Variants in MME observed in about 807,000 individuals in gnomAD.
The protein encoded by MME is membrane metalloendopeptidase.
In MME, 98 loss-of-function variants were observed where a neutral mutation model predicts 113.2. That is an observed-to-expected ratio of 0.87 (90% confidence interval 0.74 to 1.02). The LOEUF is 1.02. Ranked by LOEUF, MME falls within the 50% of genes least tolerant of loss-of-function variation. MME has a pLI of 0.00. For missense variants in MME, 836 were observed against 896.0 expected, an observed-to-expected ratio of 0.93 and a Z score of 0.86; for synonymous variants, 292 against 300.6, an observed-to-expected ratio of 0.97 and a Z score of 0.30.
intron 10 of MME, among the ~76,000 whole-genome samples, 198 bp from the exon 11 acceptor site, chr3:155,141,793 C>T (rs1721110465): frequency 6.6e-6 from 1 of 152,080 alleles, no homozygotes. Flanking sequence ...TTTGTTTTCG[C>T]TCTTAAATGG....
intron 1 of MME, among the ~76,000 whole-genome samples, chr3:155,060,392 G>T (rs537536791): frequency 6.6e-6 from 1 of 152,116 alleles, no homozygotes; most frequent in African/African-American, 2.4e-5. Context: ...AAATATATTG[G>T]TTTTTCTGGT....
intron 1 of MME, among the ~76,000 whole-genome samples, chr3:155,029,211 G>T (rs544732745): frequency 4.4e-4 from 67 of 152,050 alleles, no homozygotes; most frequent in African/African-American, 1.5e-3. Flanking sequence ...TTTTACTTTT[G>T]TATTAGTGTA....
At chr3:155,177,908 T>G (rs1712711644) in intron 22 of MME, among the ~76,000 whole-genome samples, 1 of 152,046 alleles carries the variant, frequency 6.6e-6, no homozygotes, top group Admixed American at 6.6e-5. Context: ...ACTGCTGAGA[T>G]CCCTACAGTC....
chr3:155,122,303 T>C (rs1486896412), intron 8 of MME, among the ~76,000 whole-genome samples: 1 of 151,360 alleles, frequency 6.6e-6, no homozygotes, highest in Non-Finnish European at 1.5e-5. Context: ...TTGATTCTTC[T>C]CTCTTTTTTT....
intron 1 of MME, among the ~76,000 whole-genome samples, chr3:155,067,926 A>G (rs1359108915): frequency 6.6e-6 from 1 of 152,210 alleles, no homozygotes; most frequent in Non-Finnish European, 1.5e-5. Context: ...GCACTCCTAG[A>G]TATTTACCTA....
Position 155,138,174 on chromosome 3 carries a change from G to A in MME, c.793G>A (p.Asp265Asn), listed in dbSNP as rs767535205. The change falls in exon 9 of 23, where the codon GAT (aspartate) becomes AAT (asparagine). Residue 265 changes from aspartate (D) to asparagine (N), a missense_variant. Asp to Asn is a conservative substitution (Grantham distance 23, BLOSUM62 1). Transcript: ENST00000360490. ...TCGTCAGGAAGAAAGATTGCCCATC[G>A]ATGAAAACCAGCTTGCTTTGGAAAT... ...LIRQEERLPI[D>N]ENQLALEMNK... 5.3e-5 allele frequency: 85 copies of A among 1,613,490 alleles called. No individual in the cohort carries two copies. The highest frequency in any genetic ancestry group is 4.3e-4 in the Admixed American group (26 of 59,974).
chr3:155,177,043 C>T (rs932952725), intron 22 of MME, among the ~76,000 whole-genome samples: 1 of 151,962 alleles, frequency 6.6e-6, no homozygotes, highest in Non-Finnish European at 1.5e-5. Flanking sequence ...TATCTGAAGA[C>T]GTTTCTTTCT....
intron 15 of MME, 54 bp downstream of exon 15, chr3:155,147,278 T>C: frequency 8.7e-7 from 1 of 1,149,970 alleles, no homozygotes; most frequent in Non-Finnish European, 1.3e-6. Flanking sequence ...CTGGTAGTAG[T>C]GTCATTTTTA....
chr3:155,152,300 C>G (rs1169605544), intron 16 of MME, among the ~76,000 whole-genome samples: 1 of 152,148 alleles, frequency 6.6e-6, no homozygotes, highest in Admixed American at 6.5e-5. Context: ...CACAGCACCC[C>G]ATTGCATATT....
intron 3 of MME, among the ~76,000 whole-genome samples, chr3:155,102,015 G>T (rs1026795646): frequency 3.3e-5 from 5 of 152,200 alleles, no homozygotes; most frequent in South Asian, 2.1e-4. Flanking sequence ...TTAGGAGGGG[G>T]GAATTGGTCT....
intron 1 of MME, among the ~76,000 whole-genome samples, chr3:155,026,481 T>A (rs1344362762): frequency 6.6e-6 from 1 of 152,182 alleles, no homozygotes; most frequent in Non-Finnish European, 1.5e-5. Context: ...CCCAGCACTT[T>A]GGGAGGCCGA....
chr3:155,078,307 C>T (rs1353987155), upstream of MME, among the ~76,000 whole-genome samples: 4 of 152,086 alleles, frequency 2.6e-5, no homozygotes, highest in Non-Finnish European at 5.9e-5. Flanking sequence ...ACCAATATTT[C>T]GGGATTGTTG....
At chr3:155,141,406 A>C (rs1481952792) in intron 10 of MME, among the ~76,000 whole-genome samples, 1 of 152,190 alleles carries the variant, frequency 6.6e-6, no homozygotes, top group Non-Finnish European at 1.5e-5. Flanking sequence ...CCATTTAGAA[A>C]GACAAGATTT....
At chr3:155,115,915 G>A (rs575854988) in intron 4 of MME, among the ~76,000 whole-genome samples, 1 of 152,274 alleles carries the variant, frequency 6.6e-6, no homozygotes, top group African/African-American at 2.4e-5. Flanking sequence ...AAGAAATCTA[G>A]CCAAGTCCCT....
chr3:155,148,450 T>A, intron 15 of MME, 100 bp from the exon 16 acceptor site: 1 of 788,384 alleles, frequency 1.3e-6, no homozygotes, highest in Non-Finnish European at 2.1e-6. Context: ...CTCTTTTAAC[T>A]TTATTGACTG....
At position 155,116,883 on chromosome 3, in the gene MME, C is replaced by T. The variant is rs1373337273; in HGVS notation, c.551C>T (p.Ala184Val). 5 of 1,609,950 alleles carry T rather than the reference C, an allele frequency of 3.1e-6. No individual in the cohort carries two copies. Among genetic ancestry groups the T allele is most frequent in the Non-Finnish European group, 4.2e-6 (5 of 1,176,778 alleles). Reference protein sequence around the residue: ...WEQKYGASWTAEKAIAQLNSK... With the variant: ...WEQKYGASWTVEKAIAQLNSK... The stretch of plus-strand genomic sequence containing the variant: ...ATTGCTTTAGGTGCTTCTTGGACAG[C>T]TGAAAAAGCTATTGCACAACTGAAT... Residue 184 changes from alanine (A) to valine (V), a missense_variant, in exon 7 of 23, where the codon GCT becomes GTT. By Grantham distance (64) the Ala-to-Val change is moderately conservative. Transcript: ENST00000360490.
intron 10 of MME, among the ~76,000 whole-genome samples, chr3:155,141,423 T>C (rs951224360): frequency 3.3e-5 from 5 of 152,286 alleles, no homozygotes; most frequent in African/African-American, 1.2e-4. Context: ...ATTTCATCTT[T>C]TGGCAACTCC....
At chr3:155,124,709 G>A (rs1292074146) in intron 8 of MME, among the ~76,000 whole-genome samples, 1 of 151,630 alleles carries the variant, frequency 6.6e-6, no homozygotes, top group African/African-American at 2.4e-5. Flanking sequence ...CTGCTGGGGG[G>A]TGCCTCCCAG....
At chr3:155,066,829 A>T (rs1295456636) in intron 1 of MME, among the ~76,000 whole-genome samples, 1 of 152,218 alleles carries the variant, frequency 6.6e-6, no homozygotes, top group African/African-American at 2.4e-5. Flanking sequence ...CTATTACTAC[A>T]GAGATGTTAC....
Sources: allele counts gnomAD v4.1 joint callset (sites outside exome capture counted in the v4.1 genomes callset), GRCh38; gene constraint gnomAD v4.1.1; transcripts MANE v1.5; gene names NCBI Gene and HGNC (gene_info 2026-07-23, HGNC 2026-07-21).